The following CDKN2AIPNL variants were observed in gnomAD, a reference collection of about 807,000 sequenced individuals.
The protein encoded by CDKN2AIPNL is CDKN2AIP N-terminal-like protein.
CDKN2AIPNL carries 9 observed loss-of-function variants against 12.9 expected under a neutral mutation model. That is an observed-to-expected ratio of 0.70 (90% confidence interval 0.42 to 1.22). CDKN2AIPNL has a LOEUF of 1.22. CDKN2AIPNL is among the 50% of genes most tolerant of loss of function. The probability of loss-of-function intolerance (pLI) is 0.00; values close to 1 mark genes in which losing one functional copy is unlikely to be tolerated. For synonymous variants in CDKN2AIPNL, 53 were observed against 61.7 expected (o/e 0.86, Z 0.66); for missense variants, 143 against 153.6 (o/e 0.93, Z 0.37).
chr5:134,411,234 C>A (rs1455453050), intron 1 of CDKN2AIPNL, among the ~76,000 whole-genome samples: 3 of 152,220 alleles, frequency 2.0e-5, no homozygotes, highest in Non-Finnish European at 4.4e-5. Context: ...CTCCGTTTCT[C>A]TCTCTGCACG....
rs752733114 is a variant in CDKN2AIPNL, at chr5:134,411,609, T to A, written c.239+7A>T. The A allele has an allele frequency of 8.1e-6, 13 of 1,607,960 alleles. No individual in the cohort carries two copies. The Admixed American group carries it at 1.2e-4, about 15-fold the overall frequency. ...GACAGGATCAGCCGGCCGGCAGGGG[T>A]CCGCACCTGCAGCCTAGGAAGAGAT... On this transcript the variant is annotated splice_region_variant and intron_variant, in intron 1 of 2. Transcript: ENST00000458198.
rs768780912 is a variant in CDKN2AIPNL at position 134,411,865 on chromosome 5, G to T, written c.-11C>A. On this transcript the variant is annotated 5_prime_UTR_variant, in exon 1 of 3. Coordinates refer to ENST00000458198, the MANE Select transcript of CDKN2AIPNL (RefSeq NM_080656.3). ...CTCGCCACCGACCATGGTGCCCGCCGCAGCCGAGGACCGGATAGCCCGCCG... is the reference window on the plus strand; with the variant it reads ...CTCGCCACCGACCATGGTGCCCGCCTCAGCCGAGGACCGGATAGCCCGCCG... 1.3e-6 allele frequency: 2 copies of T among 1,556,922 alleles called. No homozygotes were observed.
intron 2 of CDKN2AIPNL, 70 bp from the exon 3 acceptor site, chr5:134,402,996 TA>T (rs2149696620): frequency 1.5e-6 from 2 of 1,318,392 alleles, no homozygotes; most frequent in Admixed American, 1.8e-5. Flanking sequence ...CTTCATAAAT[TA>T]AAATATAGCA....
chr5:134,403,161 T>C (rs1361359110), intron 2 of CDKN2AIPNL, among the ~76,000 whole-genome samples: 2 of 152,228 alleles, frequency 1.3e-5, no homozygotes, highest in Admixed American at 6.5e-5. Context: ...AATCTATAAA[T>C]GTTCACAATT....
intron 2 of CDKN2AIPNL, among the ~76,000 whole-genome samples, chr5:134,405,900 G>A (rs545216179): frequency 6.6e-6 from 1 of 152,290 alleles, no homozygotes; most frequent in African/African-American, 2.4e-5. Context: ...TCATAGCAAT[G>A]ACATCTTTCC....
At chr5:134,407,768 C>CAAA (rs749911435) in intron 2 of CDKN2AIPNL, among the ~76,000 whole-genome samples, 6 of 85,036 alleles carry the variant, frequency 7.1e-5, no homozygotes, top group African/African-American at 2.2e-4. Context: ...AACTCCATCT[C>CAAA]AAAAAAAAAA....
intron 2 of CDKN2AIPNL, among the ~76,000 whole-genome samples, chr5:134,405,761 T>C (rs1364057284): frequency 1.3e-5 from 2 of 152,200 alleles, no homozygotes; most frequent in African/African-American, 2.4e-5. Context: ...GGGATAAAAA[T>C]GTTCTCAGAA....
At chr5:134,408,595 G>C (rs937575097) in intron 2 of CDKN2AIPNL, among the ~76,000 whole-genome samples, 2 of 151,162 alleles carry the variant, frequency 1.3e-5, no homozygotes, top group Non-Finnish European at 2.9e-5. Context: ...TGAGGCAGGA[G>C]AATGGTGTGA....
Position 134,411,582 on chromosome 5 carries a change from G to C in CDKN2AIPNL, c.239+34C>G, listed in dbSNP as rs570885190. 47 of 1,577,814 alleles carry C rather than the reference G, an allele frequency of 3.0e-5. No individual in the cohort carries two copies. The South Asian group carries it at 5.0e-4, about 17-fold the overall frequency. ...AGAGGCCTTGAGGGTCGGAAGATAG[G>C]GGACAGGATCAGCCGGCCGGCAGGG... On this transcript the variant is annotated intron_variant, in intron 1 of 2. Transcript: ENST00000458198.
chr5:134,405,157 T>G (rs1360842324), intron 2 of CDKN2AIPNL, among the ~76,000 whole-genome samples: 82 of 148,446 alleles, frequency 5.5e-4, no homozygotes, highest in African/African-American at 1.9e-3. Flanking sequence ...CCAGGCCGGA[T>G]TGCAGTGGCG....
chr5:134,406,363 G>A (rs957774384), intron 2 of CDKN2AIPNL, among the ~76,000 whole-genome samples: 1 of 152,202 alleles, frequency 6.6e-6, no homozygotes, highest in Admixed American at 6.5e-5. Context: ...AACAACAGAC[G>A]TTTTCAGGTG....
chr5:134,410,752 A>AC, intron 1 of CDKN2AIPNL: 2 of 487,918 alleles, frequency 4.1e-6, no homozygotes, highest in East Asian at 6.8e-5. Flanking sequence ...ATGTGAAGCA[A>AC]AACCAAGTGG....
chr5:134,408,095 C>T (rs1288093056), intron 2 of CDKN2AIPNL, among the ~76,000 whole-genome samples: 1 of 152,126 alleles, frequency 6.6e-6, no homozygotes, highest in South Asian at 2.1e-4. Context: ...CGTGCCACTG[C>T]ACTCCAGCCT....
Position 134,411,829 on chromosome 5 carries a change from G to A in CDKN2AIPNL, c.26C>T (p.Ala9Val). The change falls in exon 1 of 3, where the codon GCA (alanine) becomes GTA (valine). Residue 9 changes from alanine to valine, a missense_variant. Transcript: ENST00000458198. Reference sequence around the variant, plus strand: ...CACCCCCGAAACCAGCTCCTCCACTGCGGCAGCCGCCTCGCCACCGACCAT... The same window carrying A: ...CACCCCCGAAACCAGCTCCTCCACTACGGCAGCCGCCTCGCCACCGACCAT... MVGGEAAA[A>V]VEELVSGVRQ... 6.3e-7 allele frequency: 1 copy of A among 1,578,242 alleles called. No homozygotes were observed. The highest frequency in any genetic ancestry group is 8.6e-7 in the Non-Finnish European group (1 of 1,163,224).
At position 134,409,942 on chromosome 5, in the gene CDKN2AIPNL, G is replaced by A. The variant is rs912013566; in HGVS notation, c.300C>T (p.Asp100=). ...MEMADGIEVE[D]LPQFTTRSEL... ...CACTTCTGGTAGTAAATTGTGGCAG[G>A]TCTTCCACTTCAATCCCATCGGCCA... The change falls in exon 2 of 3, where the codon GAC becomes GAT. Residue 100 remains aspartate, a synonymous_variant. Coordinates refer to ENST00000458198, the MANE Select transcript of CDKN2AIPNL (RefSeq NM_080656.3). 3.1e-6 allele frequency: 5 copies of A among 1,612,066 alleles called. No individual in the cohort carries two copies. The African/African-American group carries it at 4.0e-5, about 13-fold the overall frequency.
intron 1 of CDKN2AIPNL, chr5:134,410,935 T>C (rs1463881876): frequency 1.4e-6 from 1 of 691,088 alleles, no homozygotes; most frequent in East Asian, 2.7e-5. Flanking sequence ...AGGAATGCCT[T>C]ATCAGGCACT....
chr5:134,408,551 G>A (rs1290171978), intron 2 of CDKN2AIPNL, among the ~76,000 whole-genome samples: 2 of 151,032 alleles, frequency 1.3e-5, no homozygotes, highest in Non-Finnish European at 2.9e-5. Context: ...TGGGCGTGGT[G>A]GCAGGCGCCT....
At chr5:134,404,325 G>T (rs918759394) in intron 2 of CDKN2AIPNL, among the ~76,000 whole-genome samples, 2 of 152,050 alleles carry the variant, frequency 1.3e-5, no homozygotes, top group African/African-American at 2.4e-5. Flanking sequence ...CTGACAGGCT[G>T]ATTTTTTTTA....
intron 2 of CDKN2AIPNL, among the ~76,000 whole-genome samples, chr5:134,404,120 G>C (rs78448216): frequency 2.8e-4 from 43 of 152,290 alleles, no homozygotes; most frequent in African/African-American, 1.0e-3. Context: ...GCCGGTTTGG[G>C]CTGCTGTGTA....
Sources: allele counts gnomAD v4.1 joint callset (sites outside exome capture counted in the v4.1 genomes callset), GRCh38; gene constraint gnomAD v4.1.1; transcripts MANE v1.5; gene names NCBI Gene and HGNC (gene_info 2026-07-23, HGNC 2026-07-21).